Variants in COL21A1 observed in about 807,000 individuals in gnomAD.
COL21A1 encodes the protein collagen type XXI alpha 1 chain.
A neutral mutation model predicts 137.9 loss-of-function variants in COL21A1; 149 were observed. That is an observed-to-expected ratio of 1.08 (90% CI 0.95 to 1.24). The LOEUF is 1.24. Ranked by LOEUF, COL21A1 falls within the 50% of genes most tolerant of loss-of-function variation. The pLI is 0.00. For missense variants in COL21A1, 1,167 were observed against 1,158.4 expected (o/e 1.01, Z -0.11); for synonymous variants, 456 against 391.5 (o/e 1.16, Z -1.95).
intron 28 of COL21A1, 79 bp downstream of exon 28, chr6:56,059,939 C>G (rs1765652389): frequency 3.1e-6 from 3 of 975,552 alleles, no homozygotes; most frequent in Non-Finnish European, 4.5e-6. Context: ...GTTAACTCGA[C>G]TATTAAATGG....
intron 1 of COL21A1, among the ~76,000 whole-genome samples, chr6:56,254,696 T>G (rs1411661645): frequency 6.6e-6 from 1 of 152,206 alleles, no homozygotes; most frequent in African/African-American, 2.4e-5. Flanking sequence ...TTCTAAAAGC[T>G]ATAAAAATCC....
chr6:56,219,216 CAAAAA>C (rs386407160), intron 1 of COL21A1, among the ~76,000 whole-genome samples: 43 of 76,480 alleles, frequency 5.6e-4, no homozygotes, highest in East Asian at 1.4e-3. Flanking sequence ...AAACTTGCAC[CAAAAA>C]AAAAAAAAAA....
chr6:56,276,783 T>A, intron 1 of COL21A1: 1 of 1,132,534 alleles, frequency 8.8e-7, no homozygotes, highest in Non-Finnish European at 1.3e-6. Flanking sequence ...TAATTCTGGT[T>A]GTTCAGTGAG....
rs1581797419 is a variant in COL21A1, at chr6:56,384,889, A to G, written c.-39+9082T>C. 2.6e-5 allele frequency among the ~76,000 whole-genome samples: 4 copies of G among 152,202 alleles called. No homozygotes were observed. In the South Asian group the frequency reaches 8.3e-4, roughly 32 times the overall value. ...TGGTATAGGTCCTGAGGCTTCAAGG[A>G]TATATGTTGACCTCCAGGAGAACAT... On this transcript the variant is annotated intron_variant, in intron 1 of 28. Transcript: ENST00000370819.
chr6:56,187,104 C>T (rs1031319210), intron 1 of COL21A1, among the ~76,000 whole-genome samples: 3 of 152,074 alleles, frequency 2.0e-5, no homozygotes, highest in Non-Finnish European at 1.5e-5. Flanking sequence ...AAGGCTGGAA[C>T]GTCCAAAGTC....
intron 5 of COL21A1, 149 bp from the exon 6 acceptor site, chr6:56,168,446 G>A: frequency 7.9e-6 from 4 of 508,036 alleles, no homozygotes; most frequent in Non-Finnish European, 1.3e-5. Flanking sequence ...CCTGATCCAA[G>A]GTGGACCTCA....
chr6:56,323,591 T>C (rs1014176247), intron 1 of COL21A1, among the ~76,000 whole-genome samples: 1 of 152,120 alleles, frequency 6.6e-6, no homozygotes, highest in Non-Finnish European at 1.5e-5. Flanking sequence ...GGTTTCAGCA[T>C]GTTGGCCAGG....
At chr6:56,202,468 G>A (rs1317120070) in intron 1 of COL21A1, among the ~76,000 whole-genome samples, 6 of 152,080 alleles carry the variant, frequency 3.9e-5, no homozygotes, top group Non-Finnish European at 2.9e-5. Context: ...GCCTCAAATC[G>A]TACTTGGCAA....
chr6:56,078,314 A>T, intron 17 of COL21A1: 1 of 438,478 alleles, frequency 2.3e-6, no homozygotes, highest in Non-Finnish European at 4.6e-6. Context: ...ATGATCATTT[A>T]TCATGCAAAA....
chr6:56,360,385 A>C (rs1765938706), intron 1 of COL21A1, among the ~76,000 whole-genome samples: 1 of 152,204 alleles, frequency 6.6e-6, no homozygotes, highest in Non-Finnish European at 1.5e-5. Context: ...TGCAAACCCG[A>C]TGAAAGACAT....
intron 1 of COL21A1, among the ~76,000 whole-genome samples, chr6:56,226,133 G>C (rs1428176364): frequency 6.6e-6 from 1 of 151,930 alleles, no homozygotes; most frequent in African/African-American, 2.4e-5. Flanking sequence ...TCTAATTTTA[G>C]GAATGTTACC....
At chr6:56,123,508 T>C (rs1312897816) in intron 16 of COL21A1, among the ~76,000 whole-genome samples, 1 of 152,204 alleles carries the variant, frequency 6.6e-6, no homozygotes, top group African/African-American at 2.4e-5. Context: ...ATTGACCAAA[T>C]GGCCTCTTCA....
chr6:56,261,813 A>T (rs1246535064), intron 1 of COL21A1, among the ~76,000 whole-genome samples: 2 of 152,134 alleles, frequency 1.3e-5, no homozygotes, highest in African/African-American at 4.8e-5. Flanking sequence ...CCTCTGCTCT[A>T]CCTGGGGAAT....
intron 7 of COL21A1, among the ~76,000 whole-genome samples, chr6:56,165,257 TGTG>T (rs1403956738): frequency 6.6e-6 from 1 of 152,204 alleles, no homozygotes; most frequent in Admixed American, 6.5e-5. Flanking sequence ...TAAAATAGTC[TGTG>T]TTTTATTAAA....
chr6:56,392,956 CAA>C (rs754739224), intron 1 of COL21A1, among the ~76,000 whole-genome samples: 1 of 148,392 alleles, frequency 6.7e-6, no homozygotes, highest in Non-Finnish European at 1.5e-5. Flanking sequence ...CAATCTCTGT[CAA>C]AATACAAATA....
intron 1 of COL21A1, among the ~76,000 whole-genome samples, chr6:56,199,944 T>C (rs1310763669): frequency 6.6e-6 from 1 of 152,132 alleles, no homozygotes; most frequent in Non-Finnish European, 1.5e-5. Context: ...TACTGGTAAG[T>C]GTATAATGAA....
At chr6:56,226,464 A>G (rs1312763736) in intron 1 of COL21A1, among the ~76,000 whole-genome samples, 1 of 152,066 alleles carries the variant, frequency 6.6e-6, no homozygotes, top group Non-Finnish European at 1.5e-5. Context: ...AAAGCTTTAT[A>G]TATTATATCA....
chr6:56,179,546 T>A (rs1468616601), intron 3 of COL21A1, 32 bp downstream of exon 3: 1 of 1,523,970 alleles, frequency 6.6e-7, no homozygotes, highest in East Asian at 2.3e-5. Context: ...ATTAATTGCT[T>A]CCAAATTATA....
intron 1 of COL21A1, among the ~76,000 whole-genome samples, chr6:56,278,188 C>T (rs1415840743): frequency 1.3e-5 from 2 of 152,114 alleles, no homozygotes; most frequent in Non-Finnish European, 2.9e-5. Flanking sequence ...GAATTCTTAC[C>T]ACCATTATCC....
Sources: gnomAD v4.1 joint callset for allele counts (sites outside exome capture counted in the v4.1 genomes callset) on GRCh38, gnomAD v4.1.1 for gene constraint, MANE v1.5 for transcripts, NCBI Gene and HGNC (gene_info 2026-07-23, HGNC 2026-07-21) for gene names.